The following TACR1 variants were observed in gnomAD, a reference collection of about 807,000 sequenced individuals.
TACR1 encodes tachykinin receptor 1.
In TACR1, 25 loss-of-function variants were observed where a neutral mutation model predicts 35.8. The ratio of observed to expected loss-of-function variants is 0.70; its 90% CI spans 0.51 to 0.98. The LOEUF (loss-of-function observed/expected upper bound fraction) is 0.98, where lower values mean the gene tolerates loss of function less well. Among genes scored for constraint, TACR1 ranks in the 50% least tolerant of loss-of-function variants. The pLI is 0.00. For synonymous variants in TACR1, 195 were observed against 206.7 expected (o/e 0.94, Z 0.48); for missense variants, 478 against 522.9 (o/e 0.91, Z 0.84).
intron 1 of TACR1, among the ~76,000 whole-genome samples, chr2:75,133,268 T>A (rs937315782): frequency 6.6e-6 from 1 of 152,370 alleles, no homozygotes; most frequent in African/African-American, 2.4e-5. Context: ...CGGCATTTTT[T>A]ATTTAATTTC....
intron 2 of TACR1, among the ~76,000 whole-genome samples, chr2:75,064,881 A>G (rs1296856287): frequency 1.3e-5 from 2 of 152,204 alleles, no homozygotes; most frequent in Non-Finnish European, 2.9e-5. Flanking sequence ...GGCGACCACA[A>G]AGCTCCTAGT....
intron 2 of TACR1, among the ~76,000 whole-genome samples, chr2:75,082,783 T>A (rs895598578): frequency 2.6e-5 from 4 of 152,258 alleles, no homozygotes; most frequent in African/African-American, 9.6e-5. Flanking sequence ...TTTGTTTTTT[T>A]CTTGTAAATT....
intron 1 of TACR1, among the ~76,000 whole-genome samples, chr2:75,193,525 T>C (rs1417868188): frequency 6.6e-6 from 1 of 152,232 alleles, no homozygotes; most frequent in African/African-American, 2.4e-5. Context: ...GGGCAACTCC[T>C]CAATTCATTC....
intron 2 of TACR1, among the ~76,000 whole-genome samples, chr2:75,106,967 CTT>C (rs1220400216): frequency 6.6e-5 from 10 of 151,476 alleles, no homozygotes; most frequent in African/African-American, 2.2e-4. Flanking sequence ...AAAAAAGAAT[CTT>C]AAGTTATGAA....
chr2:75,177,114 C>G (rs934317900), intron 1 of TACR1, among the ~76,000 whole-genome samples: 1 of 151,816 alleles, frequency 6.6e-6, no homozygotes, highest in East Asian at 1.9e-4. Context: ...CTTGCTGCCC[C>G]CCACCACCAC....
chr2:75,125,409 C>T (rs555534485), intron 1 of TACR1, among the ~76,000 whole-genome samples: 153 of 152,226 alleles, frequency 1.0e-3, no homozygotes, highest in African/African-American at 3.4e-3. Context: ...TGGTCTTGAA[C>T]TCCTAACTTA....
chr2:75,051,134 C>A (rs201095014), intron 4 of TACR1, 117 bp downstream of exon 4: 3 of 1,311,422 alleles, frequency 2.3e-6, no homozygotes, highest in Admixed American at 1.8e-5. Flanking sequence ...TAGCTGCAGT[C>A]CCCACTTGTC....
chr2:75,146,587 G>A (rs1674519151), intron 1 of TACR1, among the ~76,000 whole-genome samples: 1 of 152,190 alleles, frequency 6.6e-6, no homozygotes, highest in African/African-American at 2.4e-5. Context: ...TTAATTCATT[G>A]CAGCTGTGGG....
intron 1 of TACR1, among the ~76,000 whole-genome samples, chr2:75,186,239 G>T (rs1470589247): frequency 6.6e-6 from 1 of 151,908 alleles, no homozygotes; most frequent in Non-Finnish European, 1.5e-5. Flanking sequence ...GGGTTTGGTG[G>T]CTCGCGCCTG....
At chr2:75,118,285 T>TA (rs1367724449) in intron 2 of TACR1, among the ~76,000 whole-genome samples, 2 of 152,258 alleles carry the variant, frequency 1.3e-5, no homozygotes, top group East Asian at 3.8e-4. Flanking sequence ...GCTATGCACT[T>TA]ATGTTTCCAT....
At chr2:75,142,332 C>T (rs559576695) in intron 1 of TACR1, among the ~76,000 whole-genome samples, 2 of 152,204 alleles carry the variant, frequency 1.3e-5, no homozygotes, top group Non-Finnish European at 2.9e-5. Flanking sequence ...ACAATAGCCT[C>T]TCTTATCCCC....
intron 2 of TACR1, 130 bp from the exon 3 acceptor site, chr2:75,053,885 C>T (rs1260588384): frequency 1.2e-5 from 15 of 1,231,900 alleles, no homozygotes; most frequent in Non-Finnish European, 1.6e-5. Context: ...TAAGCTTGGG[C>T]TGTAAAGCCC....
intron 2 of TACR1, among the ~76,000 whole-genome samples, chr2:75,056,966 C>T (rs1028083499): frequency 1.3e-5 from 2 of 152,186 alleles, no homozygotes; most frequent in African/African-American, 4.8e-5. Context: ...TTATTTGAAT[C>T]TGCACACAAC....
chr2:75,108,540 A>G (rs1419770262), intron 2 of TACR1, among the ~76,000 whole-genome samples: 6 of 152,178 alleles, frequency 3.9e-5, no homozygotes, highest in African/African-American at 1.4e-4. Context: ...CCAATAACCC[A>G]AAACTTACTT....
At chr2:75,144,969 ATAGAG>A (rs1450647153) in intron 1 of TACR1, among the ~76,000 whole-genome samples, 5 of 152,164 alleles carry the variant, frequency 3.3e-5, no homozygotes, top group East Asian at 1.9e-4. Context: ...AGGAGATAAA[ATAGAG>A]TATAGTAGGA....
chr2:75,062,611 TTTAA>T (rs1672692258), intron 2 of TACR1, among the ~76,000 whole-genome samples: 1 of 152,232 alleles, frequency 6.6e-6, no homozygotes, highest in African/African-American at 2.4e-5. Flanking sequence ...TAAGCGATAC[TTTAA>T]TTAACATATT....
At chr2:75,102,945 A>G (rs950804115) in intron 2 of TACR1, among the ~76,000 whole-genome samples, 3 of 152,176 alleles carry the variant, frequency 2.0e-5, no homozygotes, top group Non-Finnish European at 4.4e-5. Context: ...GTGGACCATA[A>G]TTATGAAATG....
intron 1 of TACR1, among the ~76,000 whole-genome samples, chr2:75,164,516 C>T (rs1365319158): frequency 3.3e-5 from 5 of 151,862 alleles, no homozygotes; most frequent in Non-Finnish European, 5.9e-5. Context: ...ACAAATGACC[C>T]AGTCCAACTG....
intron 2 of TACR1, among the ~76,000 whole-genome samples, chr2:75,109,355 C>A (rs1432879790): frequency 2.6e-5 from 4 of 152,088 alleles, no homozygotes; most frequent in Non-Finnish European, 2.9e-5. Context: ...GGCAGAACCA[C>A]AGCAAAGCCA....
Sources: allele counts gnomAD v4.1 joint callset (sites outside exome capture counted in the v4.1 genomes callset), GRCh38; gene constraint gnomAD v4.1.1; transcripts MANE v1.5; gene names NCBI Gene and HGNC (gene_info 2026-07-23, HGNC 2026-07-21).